Variants in NTN3 observed in about 807,000 individuals in gnomAD.
NTN3 encodes the protein netrin-3.
Under a neutral mutation model 37.2 loss-of-function variants are expected in NTN3, and 44 were observed. The observed-to-expected ratio is 1.18, with a 90% CI of 0.93 to 1.52. NTN3 has a LOEUF of 1.52. Among genes scored for constraint, NTN3 ranks in the 40% most tolerant of loss-of-function variants. The pLI is 0.00. For missense variants in NTN3, 882 were observed against 857.3 expected (o/e 1.03, Z -0.36); for synonymous variants, 385 against 376.0 (o/e 1.02, Z -0.28).
rs745951324 is a variant in NTN3 at position 2,472,059 on chromosome 16, G to T, written c.358G>T (p.Val120Leu). Residue 120 changes from valine to leucine, a missense_variant, in exon 1 of 6, where the codon GTG (valine) becomes TTG (leucine). By Grantham distance (32) the Val-to-Leu change is conservative. Coordinates refer to ENST00000293973, the MANE Select transcript of NTN3 (RefSeq NM_006181.3). ...PLGKAFELVF[V>L]SLRFCSAPPA... ...GGGCAAGGCTTTTGAGCTGGTCTTC[G>T]TGAGCCTGCGCTTCTGCTCAGCTCC... 5 of 1,608,560 alleles carry T rather than the reference G, an allele frequency of 3.1e-6. No individual in the cohort carries two copies. Among genetic ancestry groups the T allele is most frequent in the Admixed American group, 3.3e-5 (2 of 59,810 alleles).
At chr16:2,472,930 C>T (rs1446675786) in intron 2 of NTN3, 41 bp downstream of exon 2, 2 of 1,579,016 alleles carry the variant, frequency 1.3e-6, no homozygotes, top group African/African-American at 1.3e-5. Flanking sequence ...CACCCTCTGA[C>T]TTCCCAGATC....
rs760256992 is a variant in NTN3, at chr16:2,472,213, C to T, written c.512C>T (p.Pro171Leu). Residue 171 changes from proline to leucine, a missense_variant, in exon 1 of 6, where the codon CCA becomes CTA. Pro to Leu is a moderately conservative substitution (Grantham distance 98). Transcript: ENST00000293973. ...LPAPANGPAGPGPEALCFPAP... is the reference protein window; with the variant it reads ...LPAPANGPAGLGPEALCFPAP... Reference sequence around the variant, plus strand: ...GCCCCTGCCAATGGCCCAGCTGGCCCAGGGCCTGAGGCCCTGTGCTTCCCC... The same window carrying T: ...GCCCCTGCCAATGGCCCAGCTGGCCTAGGGCCTGAGGCCCTGTGCTTCCCC... 1.4e-5 allele frequency: 23 copies of T among 1,609,984 alleles called. No individual in the cohort carries two copies. In the Admixed American group the frequency reaches 3.3e-4, roughly 23 times the overall value.
rs757037839 is a variant in NTN3 at position 2,472,223 on chromosome 16, G to A, written c.522G>A (p.Glu174=). The part of the protein sequence containing the change: ...PANGPAGPGP[E]ALCFPAPLAQ... Reference sequence around the variant, plus strand: ...ATGGCCCAGCTGGCCCAGGGCCTGAGGCCCTGTGCTTCCCCGCACCCCTGG... The same window carrying A: ...ATGGCCCAGCTGGCCCAGGGCCTGAAGCCCTGTGCTTCCCCGCACCCCTGG... Residue 174 remains glutamate (E), a synonymous_variant, in exon 1 of 6, where the codon GAG becomes GAA. Transcript: ENST00000293973. 3 of 1,610,306 alleles carry A rather than the reference G, an allele frequency of 1.9e-6. No homozygotes were observed. The highest frequency in any genetic ancestry group is 8.5e-7 in the Non-Finnish European group (1 of 1,179,770).
At position 2,472,542 on chromosome 16, in the gene NTN3, G is replaced by T; in HGVS notation, c.841G>T (p.Glu281Ter). ...HLICDCRHGT[E>*]GPDCGRCKPF... ...GATCTGCGACTGTCGGCATGGCACC[G>T]AGGGCCCTGACTGCGGCCGCTGCAA... Residue 281 changes from glutamate to a stop codon, truncating the protein, a stop_gained, in exon 1 of 6, where the codon GAG becomes TAG. Coordinates refer to ENST00000293973, the MANE Select transcript of NTN3 (RefSeq NM_006181.3). LOFTEE classifies it high-confidence loss of function. The T allele has an allele frequency of 1.2e-6, 2 of 1,605,822 alleles. No homozygotes were observed. Among genetic ancestry groups the T allele is most frequent in the Non-Finnish European group, 1.7e-6 (2 of 1,178,614 alleles).
Position 2,472,086 on chromosome 16 carries a change from C to G in NTN3, c.385C>G (p.Pro129Ala). The change falls in exon 1 of 6, where the codon CCA (proline) becomes GCA (alanine). Residue 129 changes from proline (P) to alanine (A), a missense_variant. Transcript: ENST00000293973. ...GAGCCTGCGCTTCTGCTCAGCTCCC[C>G]CAGCCTCCGTGGCCCTGCTCAAGTC... ...FVSLRFCSAP[P>A]ASVALLKSQD... The G allele has an allele frequency of 6.2e-7, 1 of 1,606,518 alleles. No individual in the cohort carries two copies. The highest frequency in any genetic ancestry group is 8.5e-7 in the Non-Finnish European group (1 of 1,177,272).
At position 2,472,633 on chromosome 16, in the gene NTN3, A is replaced by T; in HGVS notation, c.928+4A>T. On this transcript the variant is annotated splice_donor_region_variant and intron_variant, in intron 1 of 5. Coordinates refer to ENST00000293973, the MANE Select transcript of NTN3 (RefSeq NM_006181.3). ...CGGGAATCCCACGCCTGCCTCGGTG[A>T]GGCCTTGGAGGGTGGCCTGGGGACC... is the stretch of plus-strand genomic sequence containing the variant. 1 of 1,594,622 alleles carries T rather than the reference A, an allele frequency of 6.3e-7. No homozygotes were observed. The highest frequency in any genetic ancestry group is 8.6e-7 in the Non-Finnish European group (1 of 1,168,052).
At position 2,473,066 on chromosome 16, in the gene NTN3, C is replaced by T; in HGVS notation, c.1199C>T (p.Thr400Ile). 1 of 1,611,282 alleles carries T rather than the reference C, an allele frequency of 6.2e-7. No homozygotes were observed. The highest frequency in any genetic ancestry group is 8.5e-7 in the Non-Finnish European group (1 of 1,179,532). The change falls in exon 3 of 6, where the codon ACT (threonine) becomes ATT (isoleucine). Residue 400 changes from threonine (T) to isoleucine (I), a missense_variant. Thr to Ile is a moderately conservative substitution (Grantham distance 89). Coordinates refer to ENST00000293973, the MANE Select transcript of NTN3 (RefSeq NM_006181.3). ...CAGTGTCCCTGCAAGGATGGCGTCA[C>T]TGGCCTCACCTGCAACCGCTGCGCG... ...TGQCPCKDGV[T>I]GLTCNRCAPG...
At position 2,472,436 on chromosome 16, in the gene NTN3, AGCCACCGACCTCCAGGTGGG is replaced by A. The variant is rs753982931; in HGVS notation, c.736_755del (p.Ala246ArgfsTer32). On this transcript the variant is annotated frameshift_variant, in exon 1 of 6. Transcript: ENST00000293973. LOFTEE classifies it high-confidence loss of function. Reference sequence around the variant, plus strand: ...AGGCCGTCGTCCCTTACTCCTACGCAGCCACCGACCTCCAGGTGGGCGGGCGCTGCAAGTGCAATGGACAT... The same window carrying A: ...AGGCCGTCGTCCCTTACTCCTACGCACGGGCGCTGCAAGTGCAATGGACAT... 4.8e-3 allele frequency: 7,734 copies of A among 1,612,204 alleles called. 31 individuals are homozygous for A. Among genetic ancestry groups the A allele is most frequent in the Non-Finnish European group, 6.3e-3 (7,441 of 1,179,490 alleles).
rs1369557373 is a variant in NTN3 at position 2,471,919 on chromosome 16, G to C, written c.218G>C (p.Arg73Pro). 1 of 1,542,582 alleles carries C rather than the reference G, an allele frequency of 6.5e-7. No individual in the cohort carries two copies. The highest frequency in any genetic ancestry group is 1.2e-5 in the South Asian group (1 of 83,846). Residue 73 changes from arginine (R) to proline (P), a missense_variant, in exon 1 of 6, where the codon CGA becomes CCA. Coordinates refer to ENST00000293973, the MANE Select transcript of NTN3 (RefSeq NM_006181.3). ...CGGGCCTGCGACGCCTCCGACCCGC[G>C]ACGGGCACACTCCCCCGCCCTCCTT... ...ATRACDASDP[R>P]RAHSPALLTS...
In NTN3 at chr16:2,473,329, A is replaced by T. The variant is rs371681471; in HGVS notation, c.1318+11A>T. On this transcript the variant is annotated intron_variant, in intron 4 of 5. Coordinates refer to ENST00000293973, the MANE Select transcript of NTN3 (RefSeq NM_006181.3). ...CTGTGCAGCCCCAGGGTGAGTGGAC[A>T]CAGGACAGGGCCCCAGACTGGCATG... The T allele has an allele frequency of 9.9e-5, 159 of 1,612,762 alleles. No individual in the cohort carries two copies. Among genetic ancestry groups the T allele is most frequent in the Non-Finnish European group, 1.3e-4 (154 of 1,179,930 alleles).
In NTN3 at chr16:2,472,620, G is replaced by T. The variant is rs746832069; in HGVS notation, c.919G>T (p.Ala307Ser). The T allele has an allele frequency of 6.3e-7, 1 of 1,595,320 alleles. No individual in the cohort carries two copies. The highest frequency in any genetic ancestry group is 8.6e-7 in the Non-Finnish European group (1 of 1,168,430). Reference protein sequence around the residue: ...WQRATARESHACLACSCNGHA... With the variant: ...WQRATARESHSCLACSCNGHA... ...GCGGGCCACTGCCCGGGAATCCCACGCCTGCCTCGGTGAGGCCTTGGAGGG... is the reference window on the plus strand; with the variant it reads ...GCGGGCCACTGCCCGGGAATCCCACTCCTGCCTCGGTGAGGCCTTGGAGGG... Residue 307 changes from alanine (A) to serine (S), a missense_variant, in exon 1 of 6, where the codon GCC becomes TCC. Coordinates refer to ENST00000293973, the MANE Select transcript of NTN3 (RefSeq NM_006181.3).
At position 2,472,067 on chromosome 16, in the gene NTN3, G is replaced by C; in HGVS notation, c.366G>C (p.Leu122=). ...CTTTTGAGCTGGTCTTCGTGAGCCTGCGCTTCTGCTCAGCTCCCCCAGCCT... is the reference window on the plus strand; with the variant it reads ...CTTTTGAGCTGGTCTTCGTGAGCCTCCGCTTCTGCTCAGCTCCCCCAGCCT... ...GKAFELVFVS[L]RFCSAPPASV... Residue 122 remains leucine, a synonymous_variant, in exon 1 of 6, where the codon CTG becomes CTC. Coordinates refer to ENST00000293973, the MANE Select transcript of NTN3 (RefSeq NM_006181.3). 1 of 1,608,504 alleles carries C rather than the reference G, an allele frequency of 6.2e-7. No individual in the cohort carries two copies. The highest frequency in any genetic ancestry group is 8.5e-7 in the Non-Finnish European group (1 of 1,178,562).
Position 2,473,755 on chromosome 16 carries a change from G to C in NTN3, c.1394-1G>C. ...CCCGCCCCCTCTCGCTCTCCCCGCA[G>C]CGGTGCAGGTGGCGGTGGGTGCGCG... On this transcript the variant is annotated splice_acceptor_variant, in intron 5 of 5. Coordinates refer to ENST00000293973, the MANE Select transcript of NTN3 (RefSeq NM_006181.3). LOFTEE classifies it high-confidence loss of function. The C allele has an allele frequency of 7.0e-7, 1 of 1,420,462 alleles. No homozygotes were observed. The highest frequency in any genetic ancestry group is 9.1e-7 in the Non-Finnish European group (1 of 1,097,982). 88.0% of individuals were successfully genotyped at this position (1,420,462 alleles called of 1,614,324 possible). A position where few individuals can be genotyped will look rare whatever the true frequency, so the allele number is the denominator to read the frequency against.
In NTN3 at chr16:2,471,629, C is replaced by T. The variant is rs554140585; in HGVS notation, c.-73C>T. 11 of 1,149,838 alleles carry T rather than the reference C, an allele frequency of 9.6e-6. No homozygotes were observed. In the South Asian group the frequency reaches 2.5e-4, roughly 26 times the overall value. 71.2% of individuals were successfully genotyped at this position (1,149,838 alleles called of 1,614,324 possible). Reference sequence around the variant, plus strand: ...ATTGCGGGCCTGGTGGGCAGAGCCGCGGAGAGGGCTTCTTTTCCCCAAGGG... The same window carrying T: ...ATTGCGGGCCTGGTGGGCAGAGCCGTGGAGAGGGCTTCTTTTCCCCAAGGG... On this transcript the variant is annotated 5_prime_UTR_variant, in exon 1 of 6. Coordinates refer to ENST00000293973, the MANE Select transcript of NTN3 (RefSeq NM_006181.3).
chr16:2,473,565 T>C (rs2065536523), intron 5 of NTN3, 62 bp downstream of exon 5: 3 of 1,504,236 alleles, frequency 2.0e-6, no homozygotes, highest in Non-Finnish European at 2.8e-6. Flanking sequence ...CCTTCCCTCC[T>C]CCGCCAGCTT....
At position 2,474,144 on chromosome 16, in the gene NTN3, T is replaced by G; in HGVS notation, c.*39T>G. 1.7e-6 allele frequency: 2 copies of G among 1,166,346 alleles called. No homozygotes were observed. Among genetic ancestry groups the G allele is most frequent in the East Asian group, 3.8e-5 (1 of 26,036 alleles). The allele number at this position is 1,166,346 out of a possible 1,614,324, so 72.2% of individuals were successfully genotyped here. ...GCAGGGCGGCCGCTGCTCCCACATC[T>G]AGGCGCACGTTCACCCTGTGCCTTC... On this transcript the variant is annotated 3_prime_UTR_variant, in exon 6 of 6. Transcript: ENST00000293973.
chr16:2,473,252 C>T lies in NTN3; in HGVS notation c.1268-16C>T, dbSNP rs1285246809. The T allele has an allele frequency of 4.3e-6, 7 of 1,612,156 alleles. No homozygotes were observed. The highest frequency in any genetic ancestry group is 5.9e-6 in the Non-Finnish European group (7 of 1,179,628). On this transcript the variant is annotated splice_polypyrimidine_tract_variant and intron_variant, in intron 3 of 5. Coordinates refer to ENST00000293973, the MANE Select transcript of NTN3 (RefSeq NM_006181.3). Reference sequence around the variant, plus strand: ...CTGCCCCTCCATCGCAGGCCATTCTCCCTCCCTCTCTGCAGAGACCCCTAT... The same window carrying T: ...CTGCCCCTCCATCGCAGGCCATTCTTCCTCCCTCTCTGCAGAGACCCCTAT...
Position 2,472,786 on chromosome 16 carries a change from T to G in NTN3, c.1014T>G (p.Cys338Trp). 2 of 1,608,264 alleles carry G rather than the reference T, an allele frequency of 1.2e-6. No homozygotes were observed. The highest frequency in any genetic ancestry group is 1.7e-6 in the Non-Finnish European group (2 of 1,179,636). Residue 338 changes from cysteine (C) to tryptophan (W), a missense_variant, in exon 2 of 6, where the codon TGT (cysteine) becomes TGG (tryptophan). Physicochemically the swap from Cys to Trp is radical, Grantham distance 215. Coordinates refer to ENST00000293973, the MANE Select transcript of NTN3 (RefSeq NM_006181.3). ...CCGGCCGCCGCAGCGGGGGTGTCTG[T>G]CTCAACTGCCGGCACAACACCGCCG... Reference protein sequence around the residue: ...RLSGRRSGGVCLNCRHNTAGR... With the variant: ...RLSGRRSGGVWLNCRHNTAGR...
In NTN3 at chr16:2,472,865, C is replaced by T. The variant is rs1470958305; in HGVS notation, c.1093C>T (p.Leu365=). The change falls in exon 2 of 6, where the codon CTG becomes TTG. Residue 365 remains leucine (L), a synonymous_variant. Coordinates refer to ENST00000293973, the MANE Select transcript of NTN3 (RefSeq NM_006181.3). ...EGFYRDPGRA[L]SDRRACRACD... ...CTTCTATCGAGACCCTGGCCGTGCCCTGAGTGACCGTCGGGCTTGCAGGGG... is the reference window on the plus strand; with the variant it reads ...CTTCTATCGAGACCCTGGCCGTGCCTTGAGTGACCGTCGGGCTTGCAGGGG... The T allele has an allele frequency of 1.2e-6, 2 of 1,601,122 alleles. No homozygotes were observed. The highest frequency in any genetic ancestry group is 2.2e-5 in the East Asian group (1 of 44,662).
Sources: allele counts gnomAD v4.1 joint callset, GRCh38; gene constraint gnomAD v4.1.1; transcripts MANE v1.5; gene names NCBI Gene and HGNC (gene_info 2026-07-23, HGNC 2026-07-21).